Variants in ACTN1 observed in about 807,000 individuals in gnomAD.
The protein encoded by ACTN1 is alpha-actinin-1.
Under a neutral mutation model 119.6 loss-of-function variants are expected in ACTN1, and 30 were observed. The ratio of observed to expected loss-of-function variants is 0.25; its 90% confidence interval spans 0.19 to 0.34. The LOEUF is 0.34. ACTN1 is among the 10% of genes least tolerant of loss of function. The pLI, the probability that ACTN1 is intolerant of heterozygous loss-of-function variation, is 1.00. For synonymous variants in ACTN1, 429 were observed against 472.6 expected (o/e 0.91, Z 1.20); for missense variants, 764 against 1,223.4 (o/e 0.62, Z 5.60).
intron 3 of ACTN1, among the ~76,000 whole-genome samples, chr14:68,920,771 A>G (rs1381166584): frequency 2.0e-5 from 3 of 152,212 alleles, no homozygotes; most frequent in African/African-American, 4.8e-5. Flanking sequence ...GTGGCTAAGC[A>G]GGTGCAGGCA....
chr14:68,920,688 C>T (rs1439798099), intron 3 of ACTN1, among the ~76,000 whole-genome samples: 1 of 152,170 alleles, frequency 6.6e-6, no homozygotes, highest in East Asian at 1.9e-4. Context: ...CTGCTCCAGG[C>T]AACACCGTGC....
At chr14:68,946,346 A>G (rs1010105068) in intron 1 of ACTN1, among the ~76,000 whole-genome samples, 5 of 152,212 alleles carry the variant, frequency 3.3e-5, no homozygotes, top group African/African-American at 1.2e-4. Flanking sequence ...TTTGAGAAGG[A>G]GGAAGCAGAC....
At position 68,885,369 on chromosome 14, in the gene ACTN1, G is replaced by A. The variant is rs901439814; in HGVS notation, c.1385+56C>T. The A allele has an allele frequency of 3.2e-6, 5 of 1,543,984 alleles. No individual in the cohort carries two copies. In the African/African-American group the frequency reaches 4.1e-5, roughly 13 times the overall value. ...CACACCCCCACCTCCCCCAGCAGCT[G>A]AGAAAGCCCAGCCTCAGCCCCTCAC... is the stretch of plus-strand genomic sequence containing the variant. On this transcript the variant is annotated intron_variant, in intron 12 of 21. Coordinates refer to ENST00000394419, the MANE Select transcript of ACTN1 (RefSeq NM_001130004.2). This position sits in a 1 kb window ranked among gnomAD's most constrained non-coding sequence, Gnocchi z 5.6.
intron 8 of ACTN1, among the ~76,000 whole-genome samples, chr14:68,897,794 C>T (rs114194666): frequency 0.019 from 2,952 of 152,348 alleles, 95 homozygotes; most frequent in African/African-American, 0.067. Context: ...ACCAGGCATC[C>T]GAGCTTCCTC....
intron 1 of ACTN1, among the ~76,000 whole-genome samples, chr14:68,949,726 G>A (rs551754318): frequency 1.3e-5 from 2 of 152,324 alleles, no homozygotes; most frequent in South Asian, 2.1e-4. Flanking sequence ...ACAGATGAAC[G>A]GAGAAACCAA....
At chr14:68,938,815 A>G (rs1216470779) in intron 1 of ACTN1, among the ~76,000 whole-genome samples, 1 of 152,256 alleles carries the variant, frequency 6.6e-6, no homozygotes, top group Non-Finnish European at 1.5e-5. Flanking sequence ...ATCAAAGTTA[A>G]TCATTCACAG....
chr14:68,968,020 T>C (rs924839473), intron 1 of ACTN1, among the ~76,000 whole-genome samples: 3 of 152,112 alleles, frequency 2.0e-5, no homozygotes, highest in Non-Finnish European at 4.4e-5. Context: ...AAAGCACAAC[T>C]ACTACCCTGG....
chr14:68,978,273 T>C (rs1057344890), intron 1 of ACTN1: 4 of 454,518 alleles, frequency 8.8e-6, no homozygotes, highest in African/African-American at 6.0e-5. Context: ...GGGTTACAGC[T>C]TCCAACCCAC....
rs2037183074 is a variant in ACTN1, at chr14:68,979,275, G to A, written c.-219C>T. The A allele has an allele frequency of 2.5e-6, 1 of 394,040 alleles. No homozygotes were observed. Among genetic ancestry groups the A allele is most frequent in the South Asian group, 4.2e-5 (1 of 23,904 alleles). 24.4% of individuals were successfully genotyped at this position (394,040 alleles called of 1,614,324 possible). ...TCGCGGACTGCCTGCCTCTGGGCGG[G>A]CGCTTGGACCTAATCTCCACGCACA... On this transcript the variant is annotated 5_prime_UTR_variant, in exon 1 of 22. Coordinates refer to ENST00000394419, the MANE Select transcript of ACTN1 (RefSeq NM_001130004.2).
intron 11 of ACTN1, chr14:68,887,925 C>A (rs750996194): frequency 2.2e-6 from 2 of 898,286 alleles, no homozygotes; most frequent in Non-Finnish European, 3.7e-6. Flanking sequence ...CCCTTTTTCC[C>A]TTTTGTTTGC....
intron 11 of ACTN1, among the ~76,000 whole-genome samples, chr14:68,888,604 C>A (rs538982291): frequency 6.6e-6 from 1 of 152,230 alleles, no homozygotes; most frequent in African/African-American, 2.4e-5. Context: ...GGGTCCCCAC[C>A]CCCTGGGCCA....
At chr14:68,899,048 CTCACA>C (rs2033094237) in intron 8 of ACTN1, among the ~76,000 whole-genome samples, 1 of 147,422 alleles carries the variant, frequency 6.8e-6, no homozygotes, top group Non-Finnish European at 1.5e-5. Context: ...CATGCCACAC[CTCACA>C]CCACACACAC....
Position 68,878,965 on chromosome 14 carries a change from G to C in ACTN1, c.2361+24C>G. The C allele has an allele frequency of 6.2e-7, 1 of 1,613,000 alleles. No individual in the cohort carries two copies. ...CTTGCCCCAGACGCCACCCCTGAGC[G>C]TGCTCCATGCAGGAGGCGAGTACCT... On this transcript the variant is annotated intron_variant, in intron 19 of 21. Coordinates refer to ENST00000394419, the MANE Select transcript of ACTN1 (RefSeq NM_001130004.2). The surrounding 1 kb of genome is among the most constrained non-coding windows in gnomAD (Gnocchi z 4.4).
chr14:68,949,322 GAGGA>G (rs1471839376), intron 1 of ACTN1, among the ~76,000 whole-genome samples: 3 of 152,232 alleles, frequency 2.0e-5, no homozygotes, highest in Non-Finnish European at 4.4e-5. Context: ...AGGAGGTCAG[GAGGA>G]AGGAAGGGTG....
intron 3 of ACTN1, among the ~76,000 whole-genome samples, chr14:68,914,004 C>T (rs1014879061): frequency 6.6e-6 from 1 of 152,160 alleles, no homozygotes; most frequent in Non-Finnish European, 1.5e-5. Flanking sequence ...AGGTGGATTG[C>T]TTGAACCCAG....
At chr14:68,926,247 T>G (rs1383175610) in intron 1 of ACTN1, among the ~76,000 whole-genome samples, 1 of 151,986 alleles carries the variant, frequency 6.6e-6, no homozygotes. Flanking sequence ...GTGCTTTGGG[T>G]GGGGATAGGG....
At chr14:68,952,662 C>T (rs1354244799) in intron 1 of ACTN1, among the ~76,000 whole-genome samples, 1 of 148,224 alleles carries the variant, frequency 6.7e-6, no homozygotes, top group East Asian at 2.1e-4. Context: ...ACAGGCTTAA[C>T]ACAAACCAGA....
intron 1 of ACTN1, among the ~76,000 whole-genome samples, chr14:68,945,511 A>G (rs184777605): frequency 3.3e-5 from 5 of 152,348 alleles, no homozygotes; most frequent in Admixed American, 2.6e-4. Context: ...GAGACCTCTA[A>G]ATGCCATGGG....
intron 8 of ACTN1, among the ~76,000 whole-genome samples, chr14:68,899,582 C>T (rs555711723): frequency 6.6e-6 from 1 of 152,038 alleles, no homozygotes; most frequent in East Asian, 1.9e-4. Flanking sequence ...CCATACATAC[C>T]TCAAACCACA....
Sources: allele counts gnomAD v4.1 joint callset (sites outside exome capture counted in the v4.1 genomes callset), GRCh38; gene constraint gnomAD v4.1.1; non-coding constraint Gnocchi (gnomAD v3.1); transcripts MANE v1.5; gene names NCBI Gene and HGNC (gene_info 2026-07-23, HGNC 2026-07-21).